TPO: variants seen among roughly 807,000 people sequenced by gnomAD.
TPO encodes the protein thyroid microsomal antigen.
A neutral mutation model predicts 96.9 loss-of-function variants in TPO; 78 were observed. That is an observed-to-expected ratio of 0.81 (90% CI 0.67 to 0.97). The LOEUF (loss-of-function observed/expected upper bound fraction) is 0.97, where lower values mean the gene tolerates loss of function less well. Ranked by LOEUF, TPO falls within the 50% of genes least tolerant of loss-of-function variation. TPO has a pLI of 0.00. For missense variants in TPO, 1,252 were observed against 1,274.8 expected (o/e 0.98, Z 0.27); for synonymous variants, 547 against 538.0 (o/e 1.02, Z -0.23).
At chr2:1,414,956 A>C (rs1662741555) in intron 2 of TPO, among the ~76,000 whole-genome samples, 1 of 152,248 alleles carries the variant, frequency 6.6e-6, no homozygotes, top group Admixed American at 6.5e-5. Flanking sequence ...AAAGTTCCAA[A>C]CCCTGAGAAC....
At chr2:1,483,425 G>T (rs1670827372) in intron 8 of TPO, among the ~76,000 whole-genome samples, 1 of 152,156 alleles carries the variant, frequency 6.6e-6, no homozygotes, top group Non-Finnish European at 1.5e-5. Flanking sequence ...CCTTTCTATT[G>T]TAGTGAGAAG....
At chr2:1,525,981 TGAGC>T (rs1324968701) in intron 15 of TPO, among the ~76,000 whole-genome samples, 2 of 100,924 alleles carry the variant, frequency 2.0e-5, no homozygotes, top group South Asian at 4.0e-4. Flanking sequence ...CTCCCCACTG[TGAGC>T]AACCTCCCCA....
At chr2:1,482,999 G>T (rs1670790736) in intron 8 of TPO, among the ~76,000 whole-genome samples, 1 of 152,170 alleles carries the variant, frequency 6.6e-6, no homozygotes, top group Non-Finnish European at 1.5e-5. Flanking sequence ...AAGTTTTAAG[G>T]CCCCATTGGT....
At chr2:1,429,162 T>C (rs188561878) in intron 3 of TPO, among the ~76,000 whole-genome samples, 232 of 152,340 alleles carry the variant, frequency 1.5e-3, no homozygotes, top group Non-Finnish European at 2.6e-3. Flanking sequence ...TTTGCTCAGT[T>C]ACTTCACGTG....
At chr2:1,442,350 A>G (rs77191258) in intron 5 of TPO, among the ~76,000 whole-genome samples, 1 of 152,154 alleles carries the variant, frequency 6.6e-6, no homozygotes, top group African/African-American at 2.4e-5. Context: ...GTGTGCCACA[A>G]CAGCCAGAAA....
At chr2:1,422,358 C>CGCCGCGCTGGACAGACCTCGTGCAGGT in intron 2 of TPO, among the ~76,000 whole-genome samples, 6 of 106,140 alleles carry the variant, frequency 5.7e-5, no homozygotes, top group African/African-American at 1.5e-4. Context: ...CTCGTGCAGG[C>CGCCGCGCTGGACAGACCTCGTGCAGGT]GCCGCGCTGG....
chr2:1,422,201 C>G (rs1440944249), intron 2 of TPO, among the ~76,000 whole-genome samples: 1 of 146,362 alleles, frequency 6.8e-6, no homozygotes, highest in Non-Finnish European at 1.5e-5. Flanking sequence ...CGGAGCAGGG[C>G]AGAGTGAGCA....
chr2:1,438,867 A>G, intron 5 of TPO: 1 of 717,866 alleles, frequency 1.4e-6, no homozygotes, highest in Non-Finnish European at 2.6e-6. Context: ...AACCTGTTTA[A>G]CTAGGAACCT....
chr2:1,378,633 C>T (rs181587585), intron 1 of TPO, among the ~76,000 whole-genome samples: 103 of 152,292 alleles, frequency 6.8e-4, no homozygotes, highest in African/African-American at 2.3e-3. Context: ...GCCTCCAGGG[C>T]GACTGCGACT....
At chr2:1,520,959 A>G (rs1209145712) in intron 15 of TPO, among the ~76,000 whole-genome samples, 1 of 152,166 alleles carries the variant, frequency 6.6e-6, no homozygotes, top group Non-Finnish European at 1.5e-5. Flanking sequence ...GTGCAGTTCC[A>G]GTCCTTTCTC....
chr2:1,453,876 G>A, intron 6 of TPO, 53 bp downstream of exon 6: 1 of 1,612,630 alleles, frequency 6.2e-7, no homozygotes, highest in Non-Finnish European at 8.5e-7. Context: ...CTGTGATGCT[G>A]AGGGAGGGAA....
intron 5 of TPO, chr2:1,438,779 ATTTTT>A (rs3036132): frequency 8.3e-3 from 5,454 of 658,242 alleles, no homozygotes; most frequent in South Asian, 0.024. Context: ...TTAACTGGAG[ATTTTT>A]TTTTTTTTTT....
At chr2:1,402,109 A>G (rs1009329464) in intron 1 of TPO, among the ~76,000 whole-genome samples, 1 of 152,152 alleles carries the variant, frequency 6.6e-6, no homozygotes, top group African/African-American at 2.4e-5. Context: ...CTCTGGCCAC[A>G]TCTCCATCCT....
chr2:1,444,396 C>G (rs1201363277), intron 5 of TPO, among the ~76,000 whole-genome samples: 2 of 149,070 alleles, frequency 1.3e-5, no homozygotes, highest in Admixed American at 6.7e-5. Flanking sequence ...TTTGTATGAT[C>G]CAGTCATTGC....
intron 1 of TPO, among the ~76,000 whole-genome samples, chr2:1,404,662 A>T (rs557681140): frequency 6.6e-6 from 1 of 151,990 alleles, no homozygotes; most frequent in South Asian, 2.1e-4. Context: ...CCAACATCTG[A>T]CTCTTGGATG....
At chr2:1,429,804 T>C (rs991255323) in intron 3 of TPO, among the ~76,000 whole-genome samples, 6 of 152,214 alleles carry the variant, frequency 3.9e-5, no homozygotes, top group African/African-American at 1.4e-4. Context: ...GAAATTTCTA[T>C]GCAGCAAAGA....
intron 1 of TPO, among the ~76,000 whole-genome samples, chr2:1,403,671 C>T (rs970550561): frequency 7.2e-5 from 11 of 152,226 alleles, no homozygotes; most frequent in Admixed American, 7.2e-4. Flanking sequence ...CTCTGTCAAG[C>T]AAGGCTCTTA....
intron 8 of TPO, among the ~76,000 whole-genome samples, chr2:1,483,557 C>T (rs960581340): frequency 2.0e-5 from 3 of 152,216 alleles, no homozygotes; most frequent in Admixed American, 6.5e-5. Context: ...AGAAACGTTG[C>T]CACATAAATT....
intron 15 of TPO, among the ~76,000 whole-genome samples, chr2:1,528,724 C>CTGTGCAACCTCCCCAAATCCCCCACACTG (rs1677228731): frequency 7.7e-6 from 1 of 129,898 alleles, no homozygotes; most frequent in Non-Finnish European, 1.6e-5. Context: ...CCCACCCACT[C>CTGTGCAACCTCCCCAAATCCCCCACACTG]TGTGCAACCT....
Sources: allele counts gnomAD v4.1 joint callset (sites outside exome capture counted in the v4.1 genomes callset), GRCh38; gene constraint gnomAD v4.1.1; transcripts MANE v1.5; gene names NCBI Gene and HGNC (gene_info 2026-07-23, HGNC 2026-07-21).